The following GJB6 variants were observed in gnomAD, a reference collection of about 807,000 sequenced individuals.
GJB6 encodes gap junction protein beta 6, also known as gap junction beta-6 protein.
GJB6 carries 5 observed loss-of-function variants against 5.4 expected under a neutral mutation model. The ratio of observed to expected loss-of-function variants is 0.92; its 90% confidence interval spans 0.48 to 1.93. GJB6 has a LOEUF of 1.93. GJB6 is among the 30% of genes most tolerant of loss of function. The probability of loss-of-function intolerance (pLI) is 0.01; values close to 1 mark genes in which losing one functional copy is unlikely to be tolerated. For missense variants in GJB6, 298 were observed against 326.9 expected (o/e 0.91, Z 0.68); for synonymous variants, 136 against 129.6 (o/e 1.05, Z -0.34).
intron 4 of GJB6, among the ~76,000 whole-genome samples, chr13:20,226,552 T>C (rs546521791): frequency 6.6e-6 from 1 of 152,196 alleles, no homozygotes; most frequent in African/African-American, 2.4e-5. Flanking sequence ...TGTTAAATGA[T>C]ATGATTTGTA....
At position 20,229,682 on chromosome 13, in the gene GJB6, G is replaced by A. The variant is rs535606339; in HGVS notation, c.-118C>T. On this transcript the variant is annotated 5_prime_UTR_variant, in exon 4 of 5. Transcript: ENST00000647029. ...CCTCCTTCTCCTACCCCACTGGAGT[G>A]CCTAGAAGCCAATGGTGCACAGTGA... 8 of 152,032 alleles carry A rather than the reference G, an allele frequency of 5.3e-5. No homozygotes were observed. The South Asian group carries it at 1.7e-3, about 32-fold the overall frequency. 9.4% of individuals were successfully genotyped at this position (152,032 alleles called of 1,614,324 possible).
intron 4 of GJB6, among the ~76,000 whole-genome samples, chr13:20,226,138 C>A (rs1046840054): frequency 1.3e-5 from 2 of 151,998 alleles, no homozygotes; most frequent in Admixed American, 1.3e-4. Context: ...TACCTCACAG[C>A]CGAGAGAACA....
chr13:20,222,874 T>C lies in GJB6; in HGVS notation c.607A>G (p.Met203Val), dbSNP rs200674715. 4.5e-4 allele frequency: 724 copies of C among 1,614,076 alleles called. 3 individuals are homozygous for C. Among genetic ancestry groups the C allele is most frequent in the Non-Finnish European group, 3.2e-4 (379 of 1,180,038 alleles). Residue 203 changes from methionine to valine, a missense_variant, in exon 5 of 5, where the codon ATG becomes GTG. Met to Val is a conservative substitution (Grantham distance 21). Coordinates refer to ENST00000647029, the MANE Select transcript of GJB6 (RefSeq NM_001110219.3). The stretch of plus-strand genomic sequence containing the variant: ...CACAACTCTGCCACGTTAAGCAGCA[T>C]GCAAATCACAGACGCAGAAATCATA... ...IFMISASVIC[M>V]LLNVAELCYL...
chr13:20,223,797 C>T (rs1318708927), intron 4 of GJB6, among the ~76,000 whole-genome samples: 1 of 151,764 alleles, frequency 6.6e-6, no homozygotes. Flanking sequence ...AACCCCATCT[C>T]TACTAACAAT....
chr13:20,228,674 C>T lies in GJB6; in HGVS notation c.-16+906G>A, dbSNP rs569408596. Among the ~76,000 whole-genome samples, 212 of 111,744 alleles carry T rather than the reference C, an allele frequency of 1.9e-3. 1 individual carries two copies. The highest frequency in any genetic ancestry group is 2.4e-3 in the African/African-American group (89 of 37,204). The allele number at this position is 111,744 out of a possible 152,430, so 73.3% of individuals were successfully genotyped here. On this transcript the variant is annotated intron_variant, in intron 4 of 4. Transcript: ENST00000647029. Reference sequence around the variant, plus strand: ...TAATTTTTTGTATTTTTAGTAGAGACGGGGTTTCACCGTGTTAGCCAGGAT... The same window carrying T: ...TAATTTTTTGTATTTTTAGTAGAGATGGGGTTTCACCGTGTTAGCCAGGAT...
chr13:20,228,505 A>G (rs1869762922), intron 4 of GJB6, among the ~76,000 whole-genome samples: 1 of 147,076 alleles, frequency 6.8e-6, no homozygotes, highest in Non-Finnish European at 1.5e-5. Context: ...TTTTTTTGAG[A>G]TGGAGTCTAG....
chr13:20,231,905 C>T (rs1271853870), intron 1 of GJB6, among the ~76,000 whole-genome samples: 1 of 152,236 alleles, frequency 6.6e-6, no homozygotes, highest in Non-Finnish European at 1.5e-5. Context: ...AGAGAGGGTC[C>T]AGCGCGGGCG....
At chr13:20,225,913 A>G (rs1442989451) in intron 4 of GJB6, among the ~76,000 whole-genome samples, 1 of 152,184 alleles carries the variant, frequency 6.6e-6, no homozygotes, top group Non-Finnish European at 1.5e-5. Context: ...GAATATCAGT[A>G]TTCCTTAGGA....
intron 4 of GJB6, among the ~76,000 whole-genome samples, chr13:20,228,518 C>G (rs1335269743): frequency 6.7e-6 from 1 of 149,856 alleles, no homozygotes; most frequent in South Asian, 2.1e-4. Flanking sequence ...GAGTCTAGCT[C>G]TGTTGCCCAA....
chr13:20,223,411 A>G lies in GJB6; in HGVS notation c.70T>C (p.Trp24Arg). 4 of 1,614,124 alleles carry G rather than the reference A, an allele frequency of 2.5e-6. No homozygotes were observed. The highest frequency in any genetic ancestry group is 3.4e-6 in the Non-Finnish European group (4 of 1,179,960). Residue 24 changes from tryptophan to arginine, a missense_variant, in exon 5 of 5, where the codon TGG becomes CGG. Trp to Arg is a moderately radical substitution (Grantham distance 101). Coordinates refer to ENST00000647029, the MANE Select transcript of GJB6 (RefSeq NM_001110219.3). ...NKHSTSIGKV[W>R]ITVIFIFRVM... ...CGGAAAATAAAGATGACTGTGATCC[A>G]CACCTTCCCGATGCTGGTGGAGTGT...
At chr13:20,229,217 C>A (rs976777525) in intron 4 of GJB6, among the ~76,000 whole-genome samples, 5 of 140,804 alleles carry the variant, frequency 3.6e-5, no homozygotes, top group African/African-American at 1.3e-4. Flanking sequence ...GGTGCAATCT[C>A]AGCTCACTGC....
In GJB6 at chr13:20,226,877, C is replaced by T. The variant is rs141365504; in HGVS notation, c.-16+2703G>A. ...TTCAAAGTCCATAGAATTTAACCTCCCCAGCAGGTGAGACAGCTGTGTTCT... is the reference window on the plus strand; with the variant it reads ...TTCAAAGTCCATAGAATTTAACCTCTCCAGCAGGTGAGACAGCTGTGTTCT... On this transcript the variant is annotated intron_variant, in intron 4 of 4. Transcript: ENST00000647029. 1.2e-4 allele frequency among the ~76,000 whole-genome samples: 18 copies of T among 152,256 alleles called. No homozygotes were observed. The East Asian group carries it at 2.5e-3, about 21-fold the overall frequency.
chr13:20,228,702 T>C (rs1256947888), intron 4 of GJB6, among the ~76,000 whole-genome samples: 1 of 149,048 alleles, frequency 6.7e-6, no homozygotes, highest in African/African-American at 2.5e-5. Flanking sequence ...GCCAGGATGG[T>C]CTCGATCTCC....
chr13:20,223,430 G>A lies in GJB6; in HGVS notation c.51C>T (p.Ser17=), dbSNP rs1869364239. The change falls in exon 5 of 5, where the codon TCC becomes TCT. Residue 17 remains serine (S), a synonymous_variant. Coordinates refer to ENST00000647029, the MANE Select transcript of GJB6 (RefSeq NM_001110219.3). ...HTFIGGVNKH[S]TSIGKVWITV... ...TGATCCACACCTTCCCGATGCTGGT[G>A]GAGTGTTTGTTGACACCCCCGATGA... 3 of 1,613,972 alleles carry A rather than the reference G, an allele frequency of 1.9e-6. No individual in the cohort carries two copies. Among genetic ancestry groups the A allele is most frequent in the Non-Finnish European group, 8.5e-7 (1 of 1,179,958 alleles).
intron 4 of GJB6, among the ~76,000 whole-genome samples, chr13:20,227,098 GGGTCCC>G (rs1869638210): frequency 6.6e-6 from 1 of 152,144 alleles, no homozygotes. Flanking sequence ...TCTAGAAGCA[GGGTCCC>G]TGACCTCTGC....
intron 4 of GJB6, among the ~76,000 whole-genome samples, chr13:20,226,461 T>G (rs1869586607): frequency 6.6e-6 from 1 of 152,176 alleles, no homozygotes; most frequent in South Asian, 2.1e-4. Context: ...TACTAATGCC[T>G]CCCTTTCATA....
At chr13:20,229,123 CAAA>C (rs5802041) in intron 4 of GJB6, among the ~76,000 whole-genome samples, 953 of 43,798 alleles carry the variant, frequency 0.022, 7 homozygotes, top group East Asian at 0.031. Flanking sequence ...TGTCATTTAG[CAAA>C]AAAAAAAAAA....
intron 3 of GJB6, 43 bp from the exon 4 acceptor site, chr13:20,229,792 T>TCCC (rs56771888): frequency 2.7e-5 from 2 of 72,816 alleles, no homozygotes; most frequent in African/African-American, 4.9e-5. Context: ...TTCCTTTAAC[T>TCCC]CCCCCCCCCC....
chr13:20,231,846 A>T (rs1472718311), intron 1 of GJB6, among the ~76,000 whole-genome samples: 1 of 152,264 alleles, frequency 6.6e-6, no homozygotes, highest in African/African-American at 2.4e-5. Context: ...AAAGGGGACC[A>T]CGCTGGGGTA....
Sources: allele counts gnomAD v4.1 joint callset (sites outside exome capture counted in the v4.1 genomes callset), GRCh38; gene constraint gnomAD v4.1.1; transcripts MANE v1.5; gene names NCBI Gene and HGNC (gene_info 2026-07-23, HGNC 2026-07-21).